PLEKHG7: variants seen among roughly 807,000 people sequenced by gnomAD.
The protein encoded by PLEKHG7 is pleckstrin homology and RhoGEF domain containing G7.
Under a neutral mutation model 85.2 loss-of-function variants are expected in PLEKHG7, and 77 were observed. The observed-to-expected ratio is 0.90, with a 90% CI of 0.75 to 1.09. The LOEUF (loss-of-function observed/expected upper bound fraction) is 1.09. Ranked by LOEUF, PLEKHG7 falls within the 50% of genes least tolerant of loss-of-function variation. The probability of loss-of-function intolerance (pLI) is 0.00; values close to 1 mark genes in which losing one functional copy is unlikely to be tolerated. For missense variants in PLEKHG7, 777 were observed against 804.3 expected, an observed-to-expected ratio of 0.97 and a Z score of 0.41; for synonymous variants, 301 against 302.4, an observed-to-expected ratio of 1.00 and a Z score of 0.05.
At chr12:92,705,306 T>C (rs999714940) in intron 1 of PLEKHG7, among the ~76,000 whole-genome samples, 1 of 152,086 alleles carries the variant, frequency 6.6e-6, no homozygotes, top group African/African-American at 2.4e-5. Flanking sequence ...CAGAATGAGG[T>C]CAGGTTATAA....
At chr12:92,764,604 A>C (rs1205438913) in intron 15 of PLEKHG7, among the ~76,000 whole-genome samples, 1 of 152,168 alleles carries the variant, frequency 6.6e-6, no homozygotes, top group Non-Finnish European at 1.5e-5. Flanking sequence ...TGCAAGAGTA[A>C]GATATTTTAT....
At chr12:92,724,132 C>T (rs1206873080) in intron 3 of PLEKHG7, among the ~76,000 whole-genome samples, 1 of 152,084 alleles carries the variant, frequency 6.6e-6, no homozygotes, top group Non-Finnish European at 1.5e-5. Context: ...TCTTCTTTTT[C>T]GGAGCACTCA....
At chr12:92,707,812 G>C in intron 3 of PLEKHG7, 140 bp downstream of exon 3, 1 of 1,413,362 alleles carries the variant, frequency 7.1e-7, no homozygotes, top group Non-Finnish European at 9.8e-7. Flanking sequence ...GTCACTCTTC[G>C]CATTTATAGG....
At chr12:92,740,653 G>A (rs1211854337) in intron 7 of PLEKHG7, among the ~76,000 whole-genome samples, 200 bp from the exon 8 acceptor site, 3 of 152,162 alleles carry the variant, frequency 2.0e-5, no homozygotes, top group Non-Finnish European at 1.5e-5. Flanking sequence ...CTTTCATACT[G>A]AAAAGCTCAT....
chr12:92,731,638 T>C (rs1871996702), intron 4 of PLEKHG7, among the ~76,000 whole-genome samples: 1 of 152,196 alleles, frequency 6.6e-6, no homozygotes, highest in African/African-American at 2.4e-5. Flanking sequence ...TAATGAGGGA[T>C]TGAATAACGG....
intron 3 of PLEKHG7, among the ~76,000 whole-genome samples, chr12:92,723,829 C>T (rs1871715735): frequency 1.3e-5 from 2 of 152,208 alleles, no homozygotes; most frequent in African/African-American, 4.8e-5. Context: ...AATCCTTCCA[C>T]CCCAACAGTA....
In PLEKHG7 at chr12:92,754,280, A is replaced by G; in HGVS notation, c.1426+16A>G. 2 of 1,610,636 alleles carry G rather than the reference A, an allele frequency of 1.2e-6. No individual in the cohort carries two copies. Among genetic ancestry groups the G allele is most frequent in the Non-Finnish European group, 1.7e-6 (2 of 1,177,478 alleles). On this transcript the variant is annotated intron_variant, in intron 11 of 16. Transcript: ENST00000344636. The stretch of plus-strand genomic sequence containing the variant: ...AAGTCCATCCGTAAGTCCCTGAGAT[A>G]AGTGAGCTTAATTACAGAATTGTGG...
At position 92,713,065 on chromosome 12, in the gene PLEKHG7, G is replaced by A. The variant is rs142021576; in HGVS notation, c.530+5393G>A. ...AGGGAAGGATGGGAAAAAGATTCAC[G>A]GCATAGTGAATTGAGATCGCACCAC... is the stretch of plus-strand genomic sequence containing the variant. On this transcript the variant is annotated intron_variant, in intron 3 of 16. Transcript: ENST00000344636. Among the ~76,000 whole-genome samples the A allele has an allele frequency of 4.1e-3, 618 of 152,266 alleles. 2 individuals carry two copies. Among genetic ancestry groups the A allele is most frequent in the African/African-American group, 0.014 (577 of 41,540 alleles).
In PLEKHG7 at chr12:92,710,393, C is replaced by T. The variant is rs758924593; in HGVS notation, c.530+2721C>T. ...GACCAGTGAATTCCATGAGCATGAA[C>T]CCACTGTCGCACTGCTTTGTCCATA... On this transcript the variant is annotated intron_variant, in intron 3 of 16. Coordinates refer to ENST00000344636, the MANE Select transcript of PLEKHG7 (RefSeq NM_001377329.1). Among the ~76,000 whole-genome samples, 49 of 152,318 alleles carry T rather than the reference C, an allele frequency of 3.2e-4. 2 individuals carry two copies. In the Middle Eastern group the frequency reaches 0.017, roughly 53 times the overall value.
chr12:92,724,950 G>A (rs1871754399), intron 3 of PLEKHG7, among the ~76,000 whole-genome samples: 1 of 151,848 alleles, frequency 6.6e-6, no homozygotes, highest in South Asian at 2.1e-4. Context: ...CAATAACAGT[G>A]ATGACTACAT....
chr12:92,745,712 T>C, intron 10 of PLEKHG7, 121 bp downstream of exon 10: 1 of 656,638 alleles, frequency 1.5e-6, no homozygotes, highest in Non-Finnish European at 2.6e-6. Flanking sequence ...CAATAATATG[T>C]TTTAACTACA....
chr12:92,751,085 G>T (rs1016347272), intron 10 of PLEKHG7, among the ~76,000 whole-genome samples: 1 of 152,170 alleles, frequency 6.6e-6, no homozygotes, highest in Non-Finnish European at 1.5e-5. Context: ...TTTATAGGTC[G>T]ATTTCAGGCA....
intron 3 of PLEKHG7, among the ~76,000 whole-genome samples, chr12:92,718,183 G>T (rs560753005): frequency 6.6e-6 from 1 of 152,150 alleles, no homozygotes; most frequent in African/African-American, 2.4e-5. Context: ...GGGCTTTAAG[G>T]CTTGTTGGAC....
intron 7 of PLEKHG7, among the ~76,000 whole-genome samples, chr12:92,739,866 C>G (rs1488394177): frequency 6.6e-6 from 1 of 152,168 alleles, no homozygotes; most frequent in African/African-American, 2.4e-5. Context: ...TTCCAGACAA[C>G]CAATACTCCA....
At chr12:92,756,184 G>A (rs1872823547) in intron 12 of PLEKHG7, 114 bp from the exon 13 acceptor site, 2 of 795,106 alleles carry the variant, frequency 2.5e-6, no homozygotes, top group Admixed American at 2.6e-5. Flanking sequence ...TCCATCTGCT[G>A]GCATTTCCAA....
chr12:92,769,061 C>T lies in PLEKHG7; in HGVS notation c.1949C>T (p.Ala650Val). 1 of 1,590,008 alleles carries T rather than the reference C, an allele frequency of 6.3e-7. No individual in the cohort carries two copies. Among genetic ancestry groups the T allele is most frequent in the Non-Finnish European group, 8.6e-7 (1 of 1,161,070 alleles). Residue 650 changes from alanine (A) to valine (V), a missense_variant, in exon 16 of 17, where the codon GCC (alanine) becomes GTC (valine). Ala to Val is a moderately conservative substitution (Grantham distance 64). This residue lies in a region of PLEKHG7 where 520 missense variants were observed against 544.0 expected (regional missense o/e 0.96). Coordinates refer to ENST00000344636, the MANE Select transcript of PLEKHG7 (RefSeq NM_001377329.1). Reference protein sequence around the residue: ...RQCIAAFLLQAQTENIKKTWM... With the variant: ...RQCIAAFLLQVQTENIKKTWM... Reference sequence around the variant, plus strand: ...TGTATAGCAGCATTCTTATTACAAGCCCAAACGGAAAACATCAAAGTATGT... The same window carrying T: ...TGTATAGCAGCATTCTTATTACAAGTCCAAACGGAAAACATCAAAGTATGT...
At chr12:92,715,871 G>T (rs117609933) in intron 3 of PLEKHG7, among the ~76,000 whole-genome samples, 4,006 of 152,196 alleles carry the variant, frequency 0.026, 81 homozygotes, top group Middle Eastern at 0.061. Context: ...ACATTGTAAT[G>T]GCAGAATTGC....
chr12:92,755,951 A>C lies in PLEKHG7; in HGVS notation c.1542+11A>C. 1 of 1,566,426 alleles carries C rather than the reference A, an allele frequency of 6.4e-7. No individual in the cohort carries two copies. Among genetic ancestry groups the C allele is most frequent in the South Asian group, 1.1e-5 (1 of 87,156 alleles). ...TTTTTCATTCCAGAGGTACAAAAAAAAAATCAATTAGGACTTATGTCCATT... is the reference window on the plus strand; with the variant it reads ...TTTTTCATTCCAGAGGTACAAAAAACAAATCAATTAGGACTTATGTCCATT... On this transcript the variant is annotated intron_variant, in intron 12 of 16. Coordinates refer to ENST00000344636, the MANE Select transcript of PLEKHG7 (RefSeq NM_001377329.1).
chr12:92,754,374 C>T (rs1592686297), intron 11 of PLEKHG7, 110 bp downstream of exon 11: 2 of 1,076,648 alleles, frequency 1.9e-6, no homozygotes, highest in African/African-American at 1.6e-5. Flanking sequence ...GAGGTCATGG[C>T]TCTTGGAAAT....
Sources: allele counts gnomAD v4.1 joint callset (sites outside exome capture counted in the v4.1 genomes callset), GRCh38; gene constraint gnomAD v4.1.1; regional missense constraint gnomAD v4.1.1; transcripts MANE v1.5; gene names NCBI Gene and HGNC (gene_info 2026-07-23, HGNC 2026-07-21).